AP1S1: variants seen among roughly 807,000 people sequenced by gnomAD.
AP1S1 encodes the protein AP-1 complex subunit sigma-1A.
In AP1S1, 13 loss-of-function variants were observed where a neutral mutation model predicts 23.9. That is an observed-to-expected ratio of 0.54 (90% confidence interval 0.35 to 0.86). AP1S1 has a LOEUF of 0.86. Among genes scored for constraint, AP1S1 ranks in the 40% least tolerant of loss-of-function variants. The pLI, the probability that AP1S1 is intolerant of heterozygous loss-of-function variation, is 0.01. For missense variants in AP1S1, 119 were observed against 197.6 expected, an observed-to-expected ratio of 0.60 and a Z score of 2.38; for synonymous variants, 84 against 77.7, an observed-to-expected ratio of 1.08 and a Z score of -0.43.
At position 101,160,580 on chromosome 7, in the gene AP1S1, G is replaced by A. The variant is rs147623407; in HGVS notation, c.*14G>A. 38 of 1,610,324 alleles carry A rather than the reference G, an allele frequency of 2.4e-5. No individual in the cohort carries two copies. The highest frequency in any genetic ancestry group is 8.8e-5 in the South Asian group (8 of 91,064). ...GGTTTGGCATAGCCCCTGCTGGGCCGGGGTGTGGCGATGGGGTCCTGGCAG... is the reference window on the plus strand; with the variant it reads ...GGTTTGGCATAGCCCCTGCTGGGCCAGGGTGTGGCGATGGGGTCCTGGCAG... On this transcript the variant is annotated 3_prime_UTR_variant, in exon 5 of 5. Coordinates refer to ENST00000337619, the MANE Select transcript of AP1S1 (RefSeq NM_001283.5).
At chr7:101,154,757 G>A (rs1796963837) in intron 1 of AP1S1, 2 of 715,234 alleles carry the variant, frequency 2.8e-6, no homozygotes, top group Non-Finnish European at 4.2e-6. Context: ...AGGGGCGGCG[G>A]GGCCGTCCCG....
intron 4 of AP1S1, 60 bp downstream of exon 4, chr7:101,159,256 C>T: frequency 6.4e-7 from 1 of 1,550,642 alleles, no homozygotes; most frequent in South Asian, 1.2e-5. Flanking sequence ...AGGGTCCTCC[C>T]TCCCCTGGAC....
intron 3 of AP1S1, 21 bp downstream of exon 3, chr7:101,157,506 A>C: frequency 6.6e-7 from 1 of 1,522,996 alleles, no homozygotes; most frequent in Non-Finnish European, 8.9e-7. Context: ...TCTGCCCACC[A>C]GTTTCCATTC....
At position 101,159,981 on chromosome 7, in the gene AP1S1, G is replaced by GGCGC. The variant is rs767772928; in HGVS notation, c.430-535_430-532dup. On this transcript the variant is annotated intron_variant, in intron 4 of 4. Coordinates refer to ENST00000337619, the MANE Select transcript of AP1S1 (RefSeq NM_001283.5). ...CCACACACGCACACACACACACCCT[G>GGCGC]GCGCGCACACACACACACACACACA... is the stretch of plus-strand genomic sequence containing the variant. Among the ~76,000 whole-genome samples, 357 of 97,388 alleles carry GGCGC rather than the reference G, an allele frequency of 3.7e-3. 2 individuals carry two copies. Among genetic ancestry groups the GGCGC allele is most frequent in the African/African-American group, 0.011 (347 of 32,272 alleles). The allele number at this position is 97,388 out of a possible 152,430, so 63.9% of individuals were successfully genotyped here.
At chr7:101,158,040 C>T (rs1294512850) in intron 3 of AP1S1, among the ~76,000 whole-genome samples, 2 of 152,188 alleles carry the variant, frequency 1.3e-5, no homozygotes, top group Non-Finnish European at 2.9e-5. Flanking sequence ...ATCCTCCCAC[C>T]TCAGCCTCCC....
chr7:101,154,514 G>C lies in AP1S1; in HGVS notation c.-1G>C, dbSNP rs906873869. On this transcript the variant is annotated 5_prime_UTR_variant, in exon 1 of 5. Coordinates refer to ENST00000337619, the MANE Select transcript of AP1S1 (RefSeq NM_001283.5). ...GGACGCGCCGAGCCGGAGGCTGCAG[G>C]ATGGTAGGCTGTGCGAAGAGGGAGG... 6.4e-7 allele frequency: 1 copy of C among 1,573,082 alleles called. No homozygotes were observed. Among genetic ancestry groups the C allele is most frequent in the Non-Finnish European group, 8.6e-7 (1 of 1,159,934 alleles).
At chr7:101,156,873 C>T in intron 2 of AP1S1, 101 bp downstream of exon 2, 1 of 1,007,566 alleles carries the variant, frequency 9.9e-7, no homozygotes, top group Non-Finnish European at 1.3e-6. Context: ...GACCTGGGAG[C>T]TGAGGACATC....
At chr7:101,157,851 A>G (rs1797018646) in intron 3 of AP1S1, among the ~76,000 whole-genome samples, 2 of 152,328 alleles carry the variant, frequency 1.3e-5, no homozygotes, top group Admixed American at 6.5e-5. Flanking sequence ...CAGTGGCACA[A>G]TCGTAGCTCA....
chr7:101,160,544 T>C lies in AP1S1; in HGVS notation c.455T>C (p.Leu152Pro). ...QEEDESPRSV[L>P]EEMGLA Reference sequence around the variant, plus strand: ...GAGGATGAGTCGCCACGGAGTGTGCTGGAGGAGATGGGTTTGGCATAGCCC... The same window carrying C: ...GAGGATGAGTCGCCACGGAGTGTGCCGGAGGAGATGGGTTTGGCATAGCCC... The change falls in exon 5 of 5, where the codon CTG becomes CCG. Residue 152 changes from leucine (L) to proline (P), a missense_variant. Transcript: ENST00000337619. The C allele has an allele frequency of 6.2e-7, 1 of 1,612,176 alleles. No individual in the cohort carries two copies. Among genetic ancestry groups the C allele is most frequent in the Non-Finnish European group, 8.5e-7 (1 of 1,179,876 alleles).
intron 1 of AP1S1, chr7:101,155,030 T>TA: frequency 1.0e-6 from 1 of 988,174 alleles, no homozygotes; most frequent in Non-Finnish European, 1.2e-6. Flanking sequence ...TGGGCCCAGG[T>TA]AGGGAAGCGA....
In AP1S1 at chr7:101,158,323, A is replaced by G. The variant is rs545215958; in HGVS notation, c.292-736A>G. ...TCCCATCCTAGCAGTAGGTGTTGGT[A>G]TCCCCATTTTTGAGGCCAGAAAACT... On this transcript the variant is annotated intron_variant, in intron 3 of 4. Coordinates refer to ENST00000337619, the MANE Select transcript of AP1S1 (RefSeq NM_001283.5). Among the ~76,000 whole-genome samples the G allele has an allele frequency of 1.1e-4, 17 of 152,272 alleles. No homozygotes were observed. In the East Asian group the frequency reaches 2.9e-3, roughly 26 times the overall value.
At chr7:101,157,939 C>G (rs1301205437) in intron 3 of AP1S1, among the ~76,000 whole-genome samples, 1 of 152,128 alleles carries the variant, frequency 6.6e-6, no homozygotes, top group African/African-American at 2.4e-5. Context: ...GTGCACACCA[C>G]TATGCCCAGC....
Position 101,157,431 on chromosome 7 carries a change from C to T in AP1S1, c.237C>T (p.Ile79=). Residue 79 remains isoleucine (I), a synonymous_variant, in exon 3 of 5, where the codon ATC becomes ATT. Transcript: ENST00000337619. ...CAIEGQDNEL[I]TLELIHRYVE... ...TCGAGGGCCAAGACAATGAGCTCAT[C>T]ACACTGGAGCTGATCCACCGATACG... 1 of 1,581,412 alleles carries T rather than the reference C, an allele frequency of 6.3e-7. No homozygotes were observed.
At chr7:101,155,417 C>T (rs530436858) in intron 1 of AP1S1, among the ~76,000 whole-genome samples, 1 of 152,270 alleles carries the variant, frequency 6.6e-6, no homozygotes, top group South Asian at 2.1e-4. Context: ...TCTTCCATCC[C>T]ACTTGACCCA....
chr7:101,160,466 C>A, intron 4 of AP1S1, 53 bp from the exon 5 acceptor site: 1 of 1,597,852 alleles, frequency 6.3e-7, no homozygotes, highest in South Asian at 1.1e-5. Context: ...CTTGCCCACC[C>A]TGTCGGCCTC....
Position 101,161,188 on chromosome 7 carries a change from G to A in AP1S1, c.*622G>A, listed in dbSNP as rs1797100927. The A allele has an allele frequency of 2.0e-5, 4 of 199,366 alleles. No homozygotes were observed. The highest frequency in any genetic ancestry group is 2.1e-3 in the Middle Eastern group (1 of 480). 12.3% of individuals were successfully genotyped at this position (199,366 alleles called of 1,614,324 possible). On this transcript the variant is annotated 3_prime_UTR_variant, in exon 5 of 5. Coordinates refer to ENST00000337619, the MANE Select transcript of AP1S1 (RefSeq NM_001283.5). ...GGCCTTTCACTCCAGTTCTGGGTGA[G>A]GCAGGAGCTGGGAGGGGTGGGGAGG...
At position 101,156,697 on chromosome 7, in the gene AP1S1, T is replaced by C. The variant is rs1024757030; in HGVS notation, c.107T>C (p.Met36Thr). ...KERKKMVREL[M>T]QVVLARKPKM... The stretch of plus-strand genomic sequence containing the variant: ...CGGAAGAAGATGGTGCGCGAGCTCA[T>C]GCAGGTTGTCCTGGCTCGAAAGCCC... Residue 36 changes from methionine (M) to threonine (T), a missense_variant, in exon 2 of 5, where the codon ATG (methionine) becomes ACG (threonine). By Grantham distance (81) the Met-to-Thr change is moderately conservative. Transcript: ENST00000337619. The C allele has an allele frequency of 3.1e-6, 5 of 1,609,514 alleles. No individual in the cohort carries two copies. In the Admixed American group the frequency reaches 8.4e-5, roughly 27 times the overall value.
At chr7:101,157,195 T>C (rs1349425704) in intron 2 of AP1S1, among the ~76,000 whole-genome samples, 182 bp from the exon 3 acceptor site, 1 of 152,154 alleles carries the variant, frequency 6.6e-6, no homozygotes, top group Non-Finnish European at 1.5e-5. Context: ...AAGCATGCGT[T>C]CTTTGCATGT....
At position 101,159,007 on chromosome 7, in the gene AP1S1, G is replaced by A. The variant is rs1038208020; in HGVS notation, c.292-52G>A. 21 of 1,600,556 alleles carry A rather than the reference G, an allele frequency of 1.3e-5. No individual in the cohort carries two copies. In the Admixed American group the frequency reaches 3.2e-4, roughly 25 times the overall value. ...TGGGAGGCACGGTCTTGAAAAGGAA[G>A]TGGCTCCAGTTGCCCCTCCATGCTC... On this transcript the variant is annotated intron_variant, in intron 3 of 4. Coordinates refer to ENST00000337619, the MANE Select transcript of AP1S1 (RefSeq NM_001283.5).
Sources: gnomAD v4.1 joint callset for allele counts (sites outside exome capture counted in the v4.1 genomes callset) on GRCh38, gnomAD v4.1.1 for gene constraint, MANE v1.5 for transcripts, NCBI Gene and HGNC (gene_info 2026-07-23, HGNC 2026-07-21) for gene names.